The following PROCR variants were observed in gnomAD, a reference collection of about 807,000 sequenced individuals.
The protein encoded by PROCR is endothelial protein C receptor.
Under a neutral mutation model 24.2 loss-of-function variants are expected in PROCR, and 22 were observed. The observed-to-expected ratio is 0.91, with a 90% confidence interval of 0.65 to 1.30. The LOEUF (loss-of-function observed/expected upper bound fraction) is 1.30. PROCR is among the 50% of genes most tolerant of loss of function. The pLI, the probability that PROCR is intolerant of heterozygous loss-of-function variation, is 0.00. For missense variants in PROCR, 288 were observed against 307.7 expected (o/e 0.94, Z 0.48); for synonymous variants, 137 against 139.2 (o/e 0.98, Z 0.11).
intron 1 of PROCR, among the ~76,000 whole-genome samples, chr20:35,186,471 C>T (rs534742527): frequency 1.2e-3 from 175 of 148,942 alleles, no homozygotes; most frequent in Non-Finnish European, 1.8e-3. Flanking sequence ...GAGGCTGAGG[C>T]GGGAGAATCA....
chr20:35,205,779 A>G (rs1414033565), intron 1 of PROCR, among the ~76,000 whole-genome samples: 3 of 134,250 alleles, frequency 2.2e-5, no homozygotes, highest in African/African-American at 6.2e-5. Context: ...ATATATATAT[A>G]TATATATATG....
intron 3 of PROCR, 56 bp downstream of exon 3, chr20:35,176,502 A>T: frequency 6.2e-7 from 1 of 1,606,592 alleles, no homozygotes; most frequent in Non-Finnish European, 8.5e-7. Flanking sequence ...GTTCCAGACA[A>T]ATGGATGGAC....
At chr20:35,198,936 G>A (rs1436240515) in intron 1 of PROCR, among the ~76,000 whole-genome samples, 9 of 151,988 alleles carry the variant, frequency 5.9e-5, no homozygotes, top group Non-Finnish European at 8.8e-5. Flanking sequence ...GGCTGGTCTC[G>A]AACTCCTGAC....
rs560322931 is a variant in PROCR at position 35,173,837 on chromosome 20, C to T, written c.71-865C>T. Among the ~76,000 whole-genome samples, 8 of 152,260 alleles carry T rather than the reference C, an allele frequency of 5.3e-5. 1 individual carries two copies. The East Asian group carries it at 1.5e-3, about 29-fold the overall frequency. On this transcript the variant is annotated intron_variant, in intron 1 of 3. Coordinates refer to ENST00000216968, the MANE Select transcript of PROCR (RefSeq NM_006404.5). The stretch of plus-strand genomic sequence containing the variant: ...TCAGCCAAAGGCAGCATGAGGAATC[C>T]CAACTAGTTTGATATATAAGCAGCG...
downstream of PROCR, among the ~76,000 whole-genome samples, chr20:35,180,863 T>TTGTTG (rs1365892515): frequency 6.7e-6 from 1 of 149,492 alleles, no homozygotes; most frequent in Admixed American, 6.7e-5. Context: ...TTTTTGTTTT[T>TTGTTG]TGTTTTGTTT....
chr20:35,197,026 G>A (rs974823530), intron 1 of PROCR, among the ~76,000 whole-genome samples: 8 of 152,160 alleles, frequency 5.3e-5, no homozygotes, highest in Non-Finnish European at 1.2e-4. Context: ...ACAGATTGAA[G>A]GTTTATGGGG....
At chr20:35,210,844 C>G (rs2060360396) in intron 1 of PROCR, among the ~76,000 whole-genome samples, 1 of 151,896 alleles carries the variant, frequency 6.6e-6, no homozygotes, top group Non-Finnish European at 1.5e-5. Flanking sequence ...TCCCCAGTAG[C>G]TGCGATTACT....
At chr20:35,180,797 G>T (rs1449356616), downstream of PROCR, among the ~76,000 whole-genome samples, 4 of 152,112 alleles carry the variant, frequency 2.6e-5, no homozygotes, top group East Asian at 7.7e-4. Flanking sequence ...CTTCTACATG[G>T]CAGTAAGAAA....
chr20:35,172,030 C>T (rs943757421), upstream of PROCR: 11 of 835,698 alleles, frequency 1.3e-5, no homozygotes, highest in East Asian at 2.8e-4. Context: ...GGCCTCCTTC[C>T]ATCCTCCTCT....
chr20:35,183,940 G>T (rs1405728201), intron 1 of PROCR, among the ~76,000 whole-genome samples: 1 of 152,116 alleles, frequency 6.6e-6, no homozygotes, highest in Admixed American at 6.5e-5. Context: ...GGCTATAGGA[G>T]GATGGATAGA....
chr20:35,205,811 G>C (rs1023602158), intron 1 of PROCR, among the ~76,000 whole-genome samples: 1 of 105,622 alleles, frequency 9.5e-6, no homozygotes, highest in African/African-American at 4.3e-5. Flanking sequence ...ACATATATAT[G>C]TACATATATA....
upstream of PROCR, among the ~76,000 whole-genome samples, chr20:35,171,102 T>C (rs1392133329): frequency 1.3e-5 from 2 of 152,100 alleles, no homozygotes; most frequent in Non-Finnish European, 2.9e-5. Context: ...ACGTTCGCCA[T>C]ATTGGCCAGG....
intron 1 of PROCR, among the ~76,000 whole-genome samples, chr20:35,189,271 G>C (rs1397213246): frequency 6.8e-6 from 1 of 147,364 alleles, no homozygotes; most frequent in East Asian, 2.0e-4. Flanking sequence ...ATTCCGGGGG[G>C]GGGCCTCTAA....
chr20:35,204,029 C>A (rs1252012740), intron 1 of PROCR, among the ~76,000 whole-genome samples: 1 of 151,936 alleles, frequency 6.6e-6, no homozygotes, highest in African/African-American at 2.4e-5. Context: ...AACTTTTTGA[C>A]AGATTTACCA....
intron 1 of PROCR, among the ~76,000 whole-genome samples, chr20:35,213,314 C>T (rs1050955312): frequency 2.0e-5 from 3 of 151,396 alleles, no homozygotes; most frequent in Admixed American, 6.6e-5. Flanking sequence ...TCCTGGGTAA[C>T]GGAGCGAGAC....
chr20:35,195,294 T>A (rs1402400411), intron 1 of PROCR: 1 of 152,152 alleles, frequency 6.6e-6, no homozygotes, highest in Non-Finnish European at 1.5e-5. Flanking sequence ...AAAAATATTT[T>A]AAAAATGAAC....
At chr20:35,209,682 G>A (rs954275281) in intron 1 of PROCR, among the ~76,000 whole-genome samples, 1 of 152,074 alleles carries the variant, frequency 6.6e-6, no homozygotes, top group African/African-American at 2.4e-5. Context: ...CCAAAGTCAG[G>A]GGAAGTGTAT....
chr20:35,181,729 T>C (rs1350859957), downstream of PROCR, among the ~76,000 whole-genome samples: 1 of 152,248 alleles, frequency 6.6e-6, no homozygotes, highest in Non-Finnish European at 1.5e-5. Flanking sequence ...CGCCTCCTGC[T>C]TTCTCATTCT....
intron 1 of PROCR, among the ~76,000 whole-genome samples, chr20:35,173,428 T>G (rs183306607): frequency 8.7e-6 from 1 of 114,956 alleles, no homozygotes; most frequent in Non-Finnish European, 1.6e-5. Context: ...TTTTTCTTTT[T>G]TTTTTTTTTT....
Sources: gnomAD v4.1 joint callset for allele counts (sites outside exome capture counted in the v4.1 genomes callset) on GRCh38, gnomAD v4.1.1 for gene constraint, MANE v1.5 for transcripts, NCBI Gene and HGNC (gene_info 2026-07-23, HGNC 2026-07-21) for gene names.